VPS41: variants seen among roughly 807,000 people sequenced by gnomAD.
The protein encoded by VPS41 is VPS41 subunit of HOPS complex.
VPS41 carries 85 observed loss-of-function variants against 130.9 expected under a neutral mutation model. That is an observed-to-expected ratio of 0.65 (90% CI 0.55 to 0.78). VPS41 has a LOEUF of 0.78. Among genes scored for constraint, VPS41 ranks in the 30% least tolerant of loss-of-function variants. The pLI is 0.00. For synonymous variants in VPS41, 335 were observed against 332.9 expected, an observed-to-expected ratio of 1.01 and a Z score of -0.07; for missense variants, 874 against 1,018.7, an observed-to-expected ratio of 0.86 and a Z score of 1.93.
At chr7:38,808,234 G>C (rs763076828) in intron 7 of VPS41, among the ~76,000 whole-genome samples, 1 of 152,016 alleles carries the variant, frequency 6.6e-6, no homozygotes, top group African/African-American at 2.4e-5. Flanking sequence ...CTGTTTTTCC[G>C]ACTGAAAATG....
intron 7 of VPS41, among the ~76,000 whole-genome samples, chr7:38,806,420 T>C (rs1382395038): frequency 3.3e-5 from 5 of 152,182 alleles, no homozygotes; most frequent in Non-Finnish European, 5.9e-5. Flanking sequence ...ATCCATAAGA[T>C]AGAATATTAT....
intron 10 of VPS41, among the ~76,000 whole-genome samples, chr7:38,778,412 G>A (rs912357500): frequency 1.3e-5 from 2 of 152,138 alleles, no homozygotes; most frequent in Admixed American, 6.5e-5. Flanking sequence ...GCACGTGGGC[G>A]GTGAAGCAGG....
chr7:38,813,823 CT>C (rs962006492), intron 7 of VPS41, among the ~76,000 whole-genome samples: 12 of 151,918 alleles, frequency 7.9e-5, no homozygotes, highest in Non-Finnish European at 1.6e-4. Flanking sequence ...TACATATAAA[CT>C]TTTTTTCTGT....
chr7:38,880,091 T>G (rs1786572834), intron 2 of VPS41, among the ~76,000 whole-genome samples: 2 of 152,152 alleles, frequency 1.3e-5, no homozygotes, highest in African/African-American at 4.8e-5. Context: ...TCAGAGGACT[T>G]TTGTAAGAAT....
chr7:38,890,930 C>A (rs1786850657), intron 2 of VPS41, among the ~76,000 whole-genome samples: 1 of 152,116 alleles, frequency 6.6e-6, no homozygotes, highest in African/African-American at 2.4e-5. Context: ...AAGTGATCCT[C>A]CCGCCTTGAC....
chr7:38,870,799 A>T (rs1445826222), intron 2 of VPS41, among the ~76,000 whole-genome samples: 3 of 142,822 alleles, frequency 2.1e-5, no homozygotes, highest in African/African-American at 7.7e-5. Context: ...AAAGATAGAA[A>T]TTTTCAACAG....
chr7:38,775,838 A>G (rs999995758), intron 11 of VPS41, among the ~76,000 whole-genome samples: 2 of 152,120 alleles, frequency 1.3e-5, no homozygotes, highest in African/African-American at 4.8e-5. Context: ...AAAAAAAAAA[A>G]AGGATACAAA....
At chr7:38,882,882 T>C (rs1387969432) in intron 2 of VPS41, among the ~76,000 whole-genome samples, 1 of 152,216 alleles carries the variant, frequency 6.6e-6, no homozygotes, top group African/African-American at 2.4e-5. Flanking sequence ...AGACATTTTT[T>C]AAAACAGCAT....
intron 2 of VPS41, among the ~76,000 whole-genome samples, chr7:38,870,897 T>A (rs146822682): frequency 1.3e-5 from 2 of 148,524 alleles, no homozygotes; most frequent in African/African-American, 4.9e-5. Context: ...CAATAGATGG[T>A]TTAATATAAG....
At chr7:38,900,459 C>T (rs979831731) in intron 1 of VPS41, among the ~76,000 whole-genome samples, 13 of 151,836 alleles carry the variant, frequency 8.6e-5, no homozygotes, top group East Asian at 3.9e-4. Flanking sequence ...ATTCAGGTGA[C>T]AGTGACACTA....
intron 19 of VPS41, among the ~76,000 whole-genome samples, chr7:38,755,395 A>G (rs1231046138): frequency 1.3e-5 from 2 of 152,162 alleles, no homozygotes; most frequent in African/African-American, 4.8e-5. Flanking sequence ...TTATGAGGAG[A>G]AGGGAATAAG....
chr7:38,737,609 A>G (rs888242068), intron 25 of VPS41, among the ~76,000 whole-genome samples: 5 of 152,092 alleles, frequency 3.3e-5, no homozygotes, highest in African/African-American at 9.7e-5. Context: ...CAACTTTCTC[A>G]TCTGCAAAGC....
intron 6 of VPS41, among the ~76,000 whole-genome samples, chr7:38,818,260 A>C (rs1324105728): frequency 6.6e-6 from 1 of 151,668 alleles, no homozygotes; most frequent in Non-Finnish European, 1.5e-5. Context: ...AAAAAAAAAA[A>C]AACAGAAAGA....
intron 2 of VPS41, among the ~76,000 whole-genome samples, chr7:38,875,525 A>C (rs1020051118): frequency 6.6e-6 from 1 of 152,224 alleles, no homozygotes; most frequent in Non-Finnish European, 1.5e-5. Context: ...AAGAAAGATC[A>C]TTTTATTTAC....
chr7:38,811,235 A>G (rs949026308), intron 7 of VPS41, among the ~76,000 whole-genome samples: 1 of 152,146 alleles, frequency 6.6e-6, no homozygotes, highest in African/African-American at 2.4e-5. Context: ...CATGAAGCAT[A>G]AATAATCTTT....
At chr7:38,814,543 G>A (rs1055051007) in intron 7 of VPS41, among the ~76,000 whole-genome samples, 17 of 152,146 alleles carry the variant, frequency 1.1e-4, no homozygotes, top group Admixed American at 3.3e-4. Context: ...CCAGCTACTC[G>A]GGAGGCTGAG....
At chr7:38,888,414 T>C (rs182735600) in intron 2 of VPS41, among the ~76,000 whole-genome samples, 1 of 151,884 alleles carries the variant, frequency 6.6e-6, no homozygotes, top group East Asian at 1.9e-4. Context: ...CCAACAAAGA[T>C]CAAAAGAGAC....
rs188930532 is a variant in VPS41, at chr7:38,774,066, G to A, written c.1012+49C>T. 2.1e-4 allele frequency: 317 copies of A among 1,485,876 alleles called. 1 individual carries two copies. The African/African-American group carries it at 4.5e-3, about 21-fold the overall frequency. The allele number at this position is 1,485,876 out of a possible 1,614,324, so 92.0% of individuals were successfully genotyped here. On this transcript the variant is annotated intron_variant, in intron 12 of 28. Transcript: ENST00000310301. ...CATTTATTGCAAGTAGGAAGGGGGA[G>A]AAAAAAACATTAAAAAAGCATATCA...
intron 1 of VPS41, among the ~76,000 whole-genome samples, chr7:38,905,512 C>A (rs973461323): frequency 6.6e-6 from 1 of 152,142 alleles, no homozygotes; most frequent in African/African-American, 2.4e-5. Context: ...TTCATTCATA[C>A]CTAAAAAGTG....
Sources: gnomAD v4.1 joint callset for allele counts (sites outside exome capture counted in the v4.1 genomes callset) on GRCh38, gnomAD v4.1.1 for gene constraint, MANE v1.5 for transcripts, NCBI Gene and HGNC (gene_info 2026-07-23, HGNC 2026-07-21) for gene names.